KRT32: variants seen among roughly 807,000 people sequenced by gnomAD.
The protein encoded by KRT32 is keratin, type I cuticular Ha2.
Under a neutral mutation model 41.8 loss-of-function variants are expected in KRT32, and 44 were observed. The ratio of observed to expected loss-of-function variants is 1.05; its 90% CI spans 0.83 to 1.35. The LOEUF (loss-of-function observed/expected upper bound fraction) is 1.35, where lower values mean the gene tolerates loss of function less well. Among genes scored for constraint, KRT32 ranks in the 40% most tolerant of loss-of-function variants. KRT32 has a pLI of 0.00. For missense variants in KRT32, 576 were observed against 584.6 expected (o/e 0.99, Z 0.15); for synonymous variants, 238 against 242.5 (o/e 0.98, Z 0.17).
At chr17:41,466,802 GC>G (rs1270441914) in intron 1 of KRT32, 55 bp downstream of exon 1, 5 of 1,273,458 alleles carry the variant, frequency 3.9e-6, no homozygotes, top group Non-Finnish European at 5.5e-6. Flanking sequence ...AATCTGGAAT[GC>G]CAGCTAGTCC....
chr17:41,464,409 C>A lies in KRT32; in HGVS notation c.743G>T (p.Arg248Leu), dbSNP rs764110812. The stretch of plus-strand genomic sequence containing the variant: ...TGCAGCGTCCACCTCGATGTTAAGG[C>A]GGTCCCCAAGCTGGCATCGAAGGGA... ...VGSLRCQLGD[R>L]LNIEVDAAPP... Residue 248 changes from arginine to leucine, a missense_variant, in exon 4 of 7, where the codon CGC becomes CTC. Transcript: ENST00000225899. 8.6e-5 allele frequency: 137 copies of A among 1,587,202 alleles called. No individual in the cohort carries two copies. Among genetic ancestry groups the A allele is most frequent in the South Asian group, 4.4e-4 (38 of 86,862 alleles).
At position 41,460,079 on chromosome 17, in the gene KRT32, G is replaced by C. The variant is rs527707132; in HGVS notation, c.*31C>G. Reference sequence around the variant, plus strand: ...TGAATACCAGGCTGCCCAGCCCCAGGCCCTCCAGGATCCACTGGCACAAAG... The same window carrying C: ...TGAATACCAGGCTGCCCAGCCCCAGCCCCTCCAGGATCCACTGGCACAAAG... On this transcript the variant is annotated 3_prime_UTR_variant, in exon 7 of 7. Coordinates refer to ENST00000225899, the MANE Select transcript of KRT32 (RefSeq NM_002278.3). 1.2e-4 allele frequency: 182 copies of C among 1,567,746 alleles called. No individual in the cohort carries two copies. The South Asian group carries it at 2.0e-3, about 18-fold the overall frequency.
chr17:41,460,442 C>G (rs958762029), intron 6 of KRT32, among the ~76,000 whole-genome samples: 4 of 152,300 alleles, frequency 2.6e-5, no homozygotes, highest in African/African-American at 9.6e-5. Context: ...TTGGGCCCCT[C>G]CTAACCACTG....
At chr17:41,460,281 G>T (rs368715302) in intron 6 of KRT32, 42 bp from the exon 7 acceptor site, 25 of 1,552,490 alleles carry the variant, frequency 1.6e-5, no homozygotes, top group Non-Finnish European at 2.0e-5. Context: ...AGTAGAGAAG[G>T]CCCACTCGGC....
chr17:41,465,706 A>T (rs2019058456), intron 3 of KRT32, 67 bp downstream of exon 3: 1 of 1,535,104 alleles, frequency 6.5e-7, no homozygotes, highest in Non-Finnish European at 8.9e-7. Context: ...ACGCCTATCC[A>T]ACCCCATACC....
intron 1 of KRT32, among the ~76,000 whole-genome samples, chr17:41,466,560 A>G (rs569846072): frequency 1.2e-3 from 183 of 152,290 alleles, no homozygotes; most frequent in African/African-American, 4.3e-3. Context: ...TCCTTTTGAC[A>G]ACCCCATTAG....
At chr17:41,464,571 G>A in intron 3 of KRT32, 128 bp from the exon 4 acceptor site, 1 of 818,332 alleles carries the variant, frequency 1.2e-6, no homozygotes, top group Non-Finnish European at 1.8e-6. Context: ...CCTAAGGACT[G>A]CAGTCCACTC....
chr17:41,465,662 A>G, intron 3 of KRT32, 111 bp downstream of exon 3: 1 of 1,170,828 alleles, frequency 8.5e-7, no homozygotes, highest in Non-Finnish European at 1.2e-6. Context: ...AAAGTCACTA[A>G]AACAACATGT....
chr17:41,460,909 A>G lies in KRT32; in HGVS notation c.1218-670T>C, dbSNP rs75381227. On this transcript the variant is annotated intron_variant, in intron 6 of 6. Transcript: ENST00000225899. ...AAGCAGCTTCCTTAATAGGACCTGC[A>G]TGATCCTGCTCCCACCTCTTGCCCC... Among the ~76,000 whole-genome samples the G allele has an allele frequency of 9.1e-3, 1,381 of 152,272 alleles. 20 individuals are homozygous for G. The highest frequency in any genetic ancestry group is 0.032 in the African/African-American group (1,314 of 41,550).
At chr17:41,464,473 G>A (rs2019045991) in intron 3 of KRT32, 30 bp from the exon 4 acceptor site, 3 of 1,519,912 alleles carry the variant, frequency 2.0e-6, no homozygotes, top group African/African-American at 1.4e-5. Context: ...CCAGAAAAAT[G>A]TGACAATGAT....
At position 41,466,143 on chromosome 17, in the gene KRT32, C is replaced by A. The variant is rs1043093479; in HGVS notation, c.502G>T (p.Val168Phe). The A allele has an allele frequency of 6.2e-7, 1 of 1,614,030 alleles. No homozygotes were observed. The highest frequency in any genetic ancestry group is 8.5e-7 in the Non-Finnish European group (1 of 1,180,032). ...AGTTTGGCATTATCAATGTTCACAA[C>A]CATCCTGGCATTCTCTGCCTTGGTA... Reference protein sequence around the residue: ...LCTKAENARMVVNIDNAKLAA... With the variant: ...LCTKAENARMFVNIDNAKLAA... The change falls in exon 2 of 7, where the codon GTT becomes TTT. Residue 168 changes from valine to phenylalanine, a missense_variant. By Grantham distance (50) the Val-to-Phe change is conservative. Transcript: ENST00000225899.
intron 1 of KRT32, among the ~76,000 whole-genome samples, chr17:41,466,621 G>T (rs1280112910): frequency 1.3e-5 from 2 of 152,144 alleles, no homozygotes; most frequent in Non-Finnish European, 2.9e-5. Context: ...TGAGGCCTGG[G>T]GAAGGGATGG....
In KRT32 at chr17:41,462,858, G is replaced by A. The variant is rs764323506; in HGVS notation, c.1189C>T (p.Arg397Trp). 4.8e-5 allele frequency: 77 copies of A among 1,613,440 alleles called. No homozygotes were observed. Among genetic ancestry groups the A allele is most frequent in the Admixed American group, 3.8e-4 (23 of 59,976 alleles). ...CAGTCCTCGTTCTCCAGCAGGCTCC[G>A]GTACGTGTTGATCTCGCCCTCCAGC... ...ARLEGEINTY[R>W]SLLENEDCKL... is the part of the protein sequence containing the mutation. The change falls in exon 6 of 7, where the codon CGG becomes TGG. Residue 397 changes from arginine (R) to tryptophan (W), a missense_variant. Arg to Trp is a moderately radical substitution (Grantham distance 101). Transcript: ENST00000225899.
chr17:41,460,484 T>A (rs2018991524), intron 6 of KRT32, among the ~76,000 whole-genome samples: 3 of 152,096 alleles, frequency 2.0e-5, no homozygotes, highest in Admixed American at 2.0e-4. Flanking sequence ...TCTTCTACAG[T>A]CACAAATCCA....
At position 41,467,321 on chromosome 17, in the gene KRT32, G is replaced by A. The variant is rs1445260012; in HGVS notation, c.5C>T (p.Thr2Ile). 4 of 1,604,182 alleles carry A rather than the reference G, an allele frequency of 2.5e-6. No individual in the cohort carries two copies. In the African/African-American group the frequency reaches 4.0e-5, roughly 16 times the overall value. The change falls in exon 1 of 7, where the codon ACA becomes ATA. Residue 2 changes from threonine (T) to isoleucine (I), a missense_variant. Physicochemically the swap from Thr to Ile is moderately conservative, Grantham distance 89 (BLOSUM62 -1). Coordinates refer to ENST00000225899, the MANE Select transcript of KRT32 (RefSeq NM_002278.3). M[T>I]SSCCVTNNLQ... ...GTTGTTGGTGACACAGCAGGAGGATGTCATGTTGGAGAGGCCCTTTCTCCT... is the reference window on the plus strand; with the variant it reads ...GTTGTTGGTGACACAGCAGGAGGATATCATGTTGGAGAGGCCCTTTCTCCT...
Position 41,466,956 on chromosome 17 carries a change from G to A in KRT32, c.370C>T (p.Leu124=). 1 of 1,614,224 alleles carries A rather than the reference G, an allele frequency of 6.2e-7. No individual in the cohort carries two copies. The highest frequency in any genetic ancestry group is 8.5e-7 in the Non-Finnish European group (1 of 1,180,052). Reference sequence around the variant, plus strand: ...GAGGCCTCTTGGATCCTGCTCTCCAGCTCCGCATTCTCCTGCTCCAGCTGC... The same window carrying A: ...GAGGCCTCTTGGATCCTGCTCTCCAACTCCGCATTCTCCTGCTCCAGCTGC... ...VRQLEQENAE[L]ESRIQEASHS... is the part of the protein sequence containing the mutation. Residue 124 remains leucine, a synonymous_variant, in exon 1 of 7, where the codon CTG becomes TTG. Coordinates refer to ENST00000225899, the MANE Select transcript of KRT32 (RefSeq NM_002278.3).
Position 41,466,981 on chromosome 17 carries a change from C to T in KRT32, c.345G>A (p.Arg115=). The T allele has an allele frequency of 6.2e-7, 1 of 1,614,252 alleles. No homozygotes were observed. Among genetic ancestry groups the T allele is most frequent in the South Asian group, 1.1e-5 (1 of 91,082 alleles). The change falls in exon 1 of 7, where the codon CGG becomes CGA. Residue 115 remains arginine (R), a synonymous_variant. Coordinates refer to ENST00000225899, the MANE Select transcript of KRT32 (RefSeq NM_002278.3). ...DRLASYLTRV[R]QLEQENAELE... ...GCTCCGCATTCTCCTGCTCCAGCTG[C>T]CGCACCCTCGTCAGGTAGCTGGCCA...
chr17:41,466,734 C>T (rs1439482346), intron 1 of KRT32, 124 bp downstream of exon 1: 1 of 679,708 alleles, frequency 1.5e-6, no homozygotes, highest in African/African-American at 1.8e-5. Flanking sequence ...TAAAATAACC[C>T]TATGCCCTAG....
chr17:41,465,096 A>G (rs900705846), intron 3 of KRT32, among the ~76,000 whole-genome samples: 1 of 152,166 alleles, frequency 6.6e-6, no homozygotes, highest in Non-Finnish European at 1.5e-5. Flanking sequence ...GGGGGGAAAA[A>G]CACCATGGCT....
Sources: gnomAD v4.1 joint callset for allele counts (sites outside exome capture counted in the v4.1 genomes callset) on GRCh38, gnomAD v4.1.1 for gene constraint, MANE v1.5 for transcripts, NCBI Gene and HGNC (gene_info 2026-07-23, HGNC 2026-07-21) for gene names.